PHLDB2: variants seen among roughly 807,000 people sequenced by gnomAD.
The protein encoded by PHLDB2 is pleckstrin homology-like domain family B member 2.
In PHLDB2, 71 loss-of-function variants were observed where a neutral mutation model predicts 123.6. The ratio of observed to expected loss-of-function variants is 0.57; its 90% CI spans 0.47 to 0.70. The LOEUF is 0.70. PHLDB2 is among the 30% of genes least tolerant of loss of function. PHLDB2 has a pLI of 0.00. For missense variants in PHLDB2, 1,446 were observed against 1,519.5 expected, an observed-to-expected ratio of 0.95 and a Z score of 0.80; for synonymous variants, 547 against 541.6, an observed-to-expected ratio of 1.01 and a Z score of -0.14.
chr3:111,902,941 T>C (rs2067282861), intron 2 of PHLDB2, among the ~76,000 whole-genome samples: 2 of 152,330 alleles, frequency 1.3e-5, no homozygotes, highest in South Asian at 4.1e-4. Flanking sequence ...CCTGGCAATT[T>C]ATTCAGTTTT....
chr3:111,970,678 A>T (rs776488227), intron 16 of PHLDB2, among the ~76,000 whole-genome samples: 1 of 152,166 alleles, frequency 6.6e-6, no homozygotes, highest in Non-Finnish European at 1.5e-5. Flanking sequence ...TTCCTCTTGG[A>T]TCACATACGA....
chr3:111,958,282 G>T, intron 12 of PHLDB2: 1 of 989,172 alleles, frequency 1.0e-6, no homozygotes, highest in Non-Finnish European at 1.2e-6. Flanking sequence ...TAGGAAGAAT[G>T]AATTCCTCAG....
chr3:111,786,678 A>G (rs896096051), intron 1 of PHLDB2, among the ~76,000 whole-genome samples: 2 of 152,166 alleles, frequency 1.3e-5, no homozygotes, highest in East Asian at 3.8e-4. Flanking sequence ...CTCCCACCCA[A>G]TGATAAGCAG....
intron 3 of PHLDB2, chr3:111,914,043 GCTAT>G (rs890849461): frequency 1.5e-5 from 4 of 270,714 alleles, no homozygotes; most frequent in Non-Finnish European, 2.8e-5. Context: ...TGTATATATG[GCTAT>G]CTGTTATAGG....
intron 1 of PHLDB2, among the ~76,000 whole-genome samples, chr3:111,814,006 C>G (rs1009192869): frequency 2.0e-5 from 3 of 152,176 alleles, no homozygotes; most frequent in Non-Finnish European, 2.9e-5. Context: ...TAATTCAACT[C>G]CCACAGTGTG....
At position 111,780,349 on chromosome 3, in the gene PHLDB2, G is replaced by C. The variant is rs961075934; in HGVS notation, c.-49+47646G>C. ...AGAAGAAGAAGAAGAAGAAGAAGAA[G>C]AAGAAGAAGAAGAAGAAGAAGAAGA... On this transcript the variant is annotated intron_variant, in intron 1 of 17. Transcript: ENST00000393923. Among the ~76,000 whole-genome samples, 21 of 20,632 alleles carry C rather than the reference G, an allele frequency of 1.0e-3. 1 individual carries two copies. Among genetic ancestry groups the C allele is most frequent in the African/African-American group, 1.5e-3 (20 of 13,322 alleles). The allele number at this position is 20,632 out of a possible 152,430, so 13.5% of individuals were successfully genotyped here.
At chr3:111,733,892 A>T (rs1941593583) in intron 1 of PHLDB2, among the ~76,000 whole-genome samples, 1 of 152,186 alleles carries the variant, frequency 6.6e-6, no homozygotes, top group Non-Finnish European at 1.5e-5. Flanking sequence ...AAGCCTAGTA[A>T]TGCTGAAGTC....
At chr3:111,888,175 C>T (rs1272115171) in intron 2 of PHLDB2, among the ~76,000 whole-genome samples, 1 of 151,800 alleles carries the variant, frequency 6.6e-6, no homozygotes, top group Non-Finnish European at 1.5e-5. Flanking sequence ...TTATTTTACC[C>T]GTACAAAATT....
At chr3:111,803,251 G>A (rs2061445530) in intron 1 of PHLDB2, among the ~76,000 whole-genome samples, 2 of 152,120 alleles carry the variant, frequency 1.3e-5, no homozygotes, top group South Asian at 4.1e-4. Context: ...AAACTTATGT[G>A]GTTCTTCAAA....
At chr3:111,831,735 TGATATAGATACGAATGCAGTGCA>T (rs1576793009) in intron 1 of PHLDB2, among the ~76,000 whole-genome samples, 1 of 152,246 alleles carries the variant, frequency 6.6e-6, no homozygotes, top group Non-Finnish European at 1.5e-5. Context: ...TAGGTATGGG[TGATATAGATACGAATGCAGTGCA>T]GATATAGATA....
intron 2 of PHLDB2, among the ~76,000 whole-genome samples, chr3:111,911,061 G>A (rs1209572551): frequency 6.6e-6 from 1 of 152,190 alleles, no homozygotes; most frequent in African/African-American, 2.4e-5. Context: ...TCATCTTAAG[G>A]CTGGGATCAT....
chr3:111,942,383 T>A (rs1281630199), intron 8 of PHLDB2, among the ~76,000 whole-genome samples: 1 of 152,218 alleles, frequency 6.6e-6, no homozygotes, highest in Admixed American at 6.5e-5. Flanking sequence ...ATGTTTGTGA[T>A]TATGTCTACT....
chr3:111,771,351 CT>C (rs11291070), intron 1 of PHLDB2, among the ~76,000 whole-genome samples: 126,544 of 147,012 alleles, frequency 0.86, 55,224 homozygotes, highest in East Asian at 1. Flanking sequence ...CTGCCTTCAT[CT>C]TTTTTTTTTT....
chr3:111,914,635 T>G (rs2107509427), intron 3 of PHLDB2: 1 of 152,306 alleles, frequency 6.6e-6, no homozygotes, highest in South Asian at 2.1e-4. Flanking sequence ...TTTTAATTGT[T>G]TTATTTTTCT....
intron 3 of PHLDB2, chr3:111,915,977 C>G (rs1484252916): frequency 6.6e-6 from 1 of 152,172 alleles, no homozygotes; most frequent in South Asian, 2.1e-4. Context: ...TCCTTTTGAT[C>G]TTAAATCTTT....
intron 1 of PHLDB2, among the ~76,000 whole-genome samples, chr3:111,772,925 G>A (rs9858228): frequency 0.19 from 28,858 of 152,080 alleles, 2,897 homozygotes; most frequent in African/African-American, 0.21. Flanking sequence ...TCACAGAGAC[G>A]TGAGAATTCC....
chr3:111,968,937 G>A (rs1284105549), intron 15 of PHLDB2, among the ~76,000 whole-genome samples: 2 of 152,140 alleles, frequency 1.3e-5, no homozygotes, highest in Non-Finnish European at 2.9e-5. Context: ...CCGAGGCAAA[G>A]AGGTGGGGTT....
intron 1 of PHLDB2, among the ~76,000 whole-genome samples, chr3:111,823,097 C>T (rs1490839704): frequency 1.3e-5 from 2 of 152,206 alleles, no homozygotes; most frequent in African/African-American, 4.8e-5. Flanking sequence ...TGCTGGAGTA[C>T]TCAACCAGGA....
At chr3:111,879,985 C>CTT (rs33958199) in intron 1 of PHLDB2, among the ~76,000 whole-genome samples, 33 of 108,222 alleles carry the variant, frequency 3.0e-4, no homozygotes, top group African/African-American at 6.5e-4. Context: ...TACCCACTGC[C>CTT]TTTTTTTTTT....
Sources: gnomAD v4.1 joint callset for allele counts (sites outside exome capture counted in the v4.1 genomes callset) on GRCh38, gnomAD v4.1.1 for gene constraint, MANE v1.5 for transcripts, NCBI Gene and HGNC (gene_info 2026-07-23, HGNC 2026-07-21) for gene names.